Variants in ARHGAP15 observed in about 807,000 individuals in gnomAD.
ARHGAP15 encodes the protein Rho GTPase activating protein 15, also known as rho GTPase-activating protein 15.
A neutral mutation model predicts 63.7 loss-of-function variants in ARHGAP15; 51 were observed. The ratio of observed to expected loss-of-function variants is 0.80; its 90% CI spans 0.64 to 1.01. ARHGAP15 has a LOEUF of 1.01. Ranked by LOEUF, ARHGAP15 falls within the 50% of genes least tolerant of loss-of-function variation. ARHGAP15 has a pLI of 0.00. For missense variants in ARHGAP15, 560 were observed against 564.6 expected (o/e 0.99, Z 0.08); for synonymous variants, 191 against 193.8 (o/e 0.99, Z 0.12).
chr2:143,724,794 G>GA (rs1485770081), intron 13 of ARHGAP15, among the ~76,000 whole-genome samples: 1 of 152,040 alleles, frequency 6.6e-6, no homozygotes, highest in Admixed American at 6.5e-5. Flanking sequence ...GCCAGCAAAG[G>GA]AAAAAAATGT....
chr2:143,616,557 A>G (rs1265103627), intron 11 of ARHGAP15, among the ~76,000 whole-genome samples: 8 of 152,190 alleles, frequency 5.3e-5, no homozygotes, highest in African/African-American at 1.9e-4. Context: ...AGCCCATTAG[A>G]TGTTCAGAAA....
At chr2:143,378,361 G>A (rs2890715) in intron 6 of ARHGAP15, among the ~76,000 whole-genome samples, 98,113 of 151,768 alleles carry the variant, frequency 0.65, 32,200 homozygotes, top group African/African-American at 0.74. Context: ...TTTTCTATCA[G>A]TCTCATCTGG....
chr2:143,201,525 G>T (rs1692117309), intron 2 of ARHGAP15, among the ~76,000 whole-genome samples: 1 of 151,952 alleles, frequency 6.6e-6, no homozygotes, highest in East Asian at 1.9e-4. Flanking sequence ...CTCATTTGGG[G>T]GCGCTGTAAA....
chr2:143,550,145 AT>A (rs914129941), intron 10 of ARHGAP15, among the ~76,000 whole-genome samples: 5 of 152,008 alleles, frequency 3.3e-5, no homozygotes, highest in African/African-American at 9.6e-5. Context: ...TTAAAGAGAA[AT>A]TTTTTTTTAA....
At chr2:143,641,840 C>A (rs1005370361) in intron 12 of ARHGAP15, among the ~76,000 whole-genome samples, 3 of 152,060 alleles carry the variant, frequency 2.0e-5, no homozygotes, top group African/African-American at 7.2e-5. Context: ...ATTGTACTGA[C>A]AGTTATATAT....
intron 11 of ARHGAP15, among the ~76,000 whole-genome samples, chr2:143,592,888 G>GTAA (rs1225558042): frequency 6.6e-6 from 1 of 152,168 alleles, no homozygotes; most frequent in Non-Finnish European, 1.5e-5. Flanking sequence ...GAAGGGAATT[G>GTAA]CCTTTGGTTA....
intron 6 of ARHGAP15, among the ~76,000 whole-genome samples, chr2:143,267,212 T>G (rs71423263): frequency 0.12 from 18,782 of 152,208 alleles, 1,320 homozygotes; most frequent in Middle Eastern, 0.25. Context: ...ACCTGCTCAA[T>G]CTAAATAAAG....
intron 1 of ARHGAP15, among the ~76,000 whole-genome samples, chr2:143,132,847 G>A (rs113460971): frequency 1.2e-4 from 18 of 152,202 alleles, no homozygotes; most frequent in African/African-American, 3.9e-4. Context: ...ATTGAAAGGC[G>A]GATCTGATTG....
intron 11 of ARHGAP15, among the ~76,000 whole-genome samples, chr2:143,580,650 A>G (rs1348374271): frequency 6.6e-6 from 1 of 152,126 alleles, no homozygotes; most frequent in Non-Finnish European, 1.5e-5. Flanking sequence ...TTTTATCACA[A>G]TTATTTTAAT....
At chr2:143,577,966 GTCAC>G (rs1234648536) in intron 11 of ARHGAP15, among the ~76,000 whole-genome samples, 1 of 152,150 alleles carries the variant, frequency 6.6e-6, no homozygotes, top group Non-Finnish European at 1.5e-5. Context: ...GATGTCAAAT[GTCAC>G]TCAGGCAATT....
intron 6 of ARHGAP15, among the ~76,000 whole-genome samples, chr2:143,272,992 CTA>C (rs1372634294): frequency 6.6e-6 from 1 of 152,004 alleles, no homozygotes; most frequent in Non-Finnish European, 1.5e-5. Flanking sequence ...TCAATATAGA[CTA>C]TTTTTATTTT....
intron 6 of ARHGAP15, among the ~76,000 whole-genome samples, chr2:143,272,924 A>AT (rs758392786): frequency 2.1e-3 from 321 of 151,734 alleles, no homozygotes; most frequent in Middle Eastern, 6.8e-3. Context: ...ATATGATGGA[A>AT]TTTTTTTTTA....
chr2:143,481,420 TAAC>T (rs1417534746), intron 8 of ARHGAP15, among the ~76,000 whole-genome samples: 7 of 152,020 alleles, frequency 4.6e-5, no homozygotes, highest in African/African-American at 1.2e-4. Flanking sequence ...AAAAAAATAA[TAAC>T]AACATGTAAT....
intron 6 of ARHGAP15, among the ~76,000 whole-genome samples, chr2:143,406,120 T>C (rs544628697): frequency 2.0e-5 from 3 of 152,058 alleles, no homozygotes; most frequent in African/African-American, 7.2e-5. Flanking sequence ...ACATGTCTTT[T>C]GTTGTTTTCT....
chr2:143,321,957 G>A (rs964769106), intron 6 of ARHGAP15, among the ~76,000 whole-genome samples: 4 of 152,182 alleles, frequency 2.6e-5, no homozygotes, highest in Admixed American at 1.3e-4. Flanking sequence ...TAATGGAGTC[G>A]TAGGGGACTT....
intron 12 of ARHGAP15, among the ~76,000 whole-genome samples, chr2:143,668,879 A>G (rs907940215): frequency 5.3e-5 from 8 of 152,226 alleles, no homozygotes; most frequent in Non-Finnish European, 7.3e-5. Flanking sequence ...TTTGGTTCCA[A>G]TAATATTTCC....
At chr2:143,557,852 A>G (rs994245643) in intron 11 of ARHGAP15, among the ~76,000 whole-genome samples, 1 of 152,126 alleles carries the variant, frequency 6.6e-6, no homozygotes, top group Non-Finnish European at 1.5e-5. Context: ...AGACCAACAC[A>G]TCTTAAGTTG....
chr2:143,454,578 T>A (rs887726278), intron 8 of ARHGAP15, among the ~76,000 whole-genome samples: 1 of 152,034 alleles, frequency 6.6e-6, no homozygotes, highest in Non-Finnish European at 1.5e-5. Context: ...ATGAGGCAAC[T>A]CAGGCTCAAC....
intron 12 of ARHGAP15, among the ~76,000 whole-genome samples, chr2:143,664,338 A>C (rs1682025318): frequency 6.6e-6 from 1 of 151,464 alleles, no homozygotes; most frequent in South Asian, 2.1e-4. Context: ...AACGAAATGA[A>C]GGCAGAAATA....
Sources: gnomAD v4.1 joint callset for allele counts (sites outside exome capture counted in the v4.1 genomes callset) on GRCh38, gnomAD v4.1.1 for gene constraint, MANE v1.5 for transcripts, NCBI Gene and HGNC (gene_info 2026-07-23, HGNC 2026-07-21) for gene names.